ZNF407: variants seen among roughly 807,000 people sequenced by gnomAD.
ZNF407 encodes zinc finger protein 407.
ZNF407 carries 17 observed loss-of-function variants against 131.2 expected under a neutral mutation model. The ratio of observed to expected loss-of-function variants is 0.13; its 90% CI spans 0.09 to 0.19. The LOEUF (loss-of-function observed/expected upper bound fraction) is 0.19, where lower values mean the gene tolerates loss of function less well. Ranked by LOEUF, ZNF407 falls within the 10% of genes least tolerant of loss-of-function variation. The probability of loss-of-function intolerance (pLI) is 1.00; values close to 1 mark genes in which losing one functional copy is unlikely to be tolerated. For missense variants in ZNF407, 2,681 were observed against 2,830.6 expected (o/e 0.95, Z 1.20); for synonymous variants, 1,156 against 1,062.0 (o/e 1.09, Z -1.72).
At chr18:74,610,344 C>T (rs1983000317) in intron 1 of ZNF407, among the ~76,000 whole-genome samples, 1 of 152,124 alleles carries the variant, frequency 6.6e-6, no homozygotes, top group Admixed American at 6.5e-5. Context: ...TCCAGTTTTT[C>T]TCTACAGTTC....
chr18:75,042,874 TG>T (rs1973389969), intron 8 of ZNF407, among the ~76,000 whole-genome samples: 1 of 152,214 alleles, frequency 6.6e-6, no homozygotes, highest in Non-Finnish European at 1.5e-5. Context: ...GCACATCCAC[TG>T]CTCATGTTCC....
chr18:74,623,852 G>C (rs1983672235), intron 1 of ZNF407, among the ~76,000 whole-genome samples: 1 of 152,098 alleles, frequency 6.6e-6, no homozygotes, highest in Non-Finnish European at 1.5e-5. Context: ...GACAGTCAAG[G>C]AACAACTGCT....
At chr18:75,062,830 G>T (rs1025096857) in intron 8 of ZNF407, 3 of 232,778 alleles carry the variant, frequency 1.3e-5, no homozygotes, top group Non-Finnish European at 2.5e-5. Context: ...ATGGTGGTTG[G>T]GGGGAGGTAT....
intron 8 of ZNF407, among the ~76,000 whole-genome samples, chr18:75,002,867 C>T (rs190817631): frequency 9.0e-4 from 136 of 151,068 alleles, no homozygotes; most frequent in Non-Finnish European, 1.2e-3. Flanking sequence ...ATGGTGTTTA[C>T]TAAATGGAAT....
intron 3 of ZNF407, among the ~76,000 whole-genome samples, chr18:74,642,385 G>A (rs1984763982): frequency 6.6e-6 from 1 of 152,040 alleles, no homozygotes; most frequent in Non-Finnish European, 1.5e-5. Context: ...CTCATCTATT[G>A]TTTTTACCAT....
chr18:74,790,295 TAAGATAAAACC>T (rs1969801994), intron 4 of ZNF407, among the ~76,000 whole-genome samples: 1 of 152,172 alleles, frequency 6.6e-6, no homozygotes, highest in Non-Finnish European at 1.5e-5. Context: ...TATATAGAAA[TAAGATAAAACC>T]GAATTCTGTA....
intron 3 of ZNF407, among the ~76,000 whole-genome samples, chr18:74,768,129 T>C (rs1183290018): frequency 2.0e-5 from 3 of 152,216 alleles, no homozygotes; most frequent in Non-Finnish European, 2.9e-5. Flanking sequence ...AGAAGTCTTA[T>C]TTTTTAAAAG....
intron 3 of ZNF407, 42 bp from the exon 4 acceptor site, chr18:74,781,386 A>G: frequency 7.7e-7 from 1 of 1,301,434 alleles, no homozygotes; most frequent in Non-Finnish European, 1.1e-6. Flanking sequence ...TCTAGTGGAG[A>G]GTCAAGTTTT....
chr18:74,708,403 G>T (rs1316776943), intron 3 of ZNF407, among the ~76,000 whole-genome samples: 1 of 152,150 alleles, frequency 6.6e-6, no homozygotes, highest in African/African-American at 2.4e-5. Context: ...GTGTTTTATG[G>T]TTGAAGGTCT....
intron 3 of ZNF407, among the ~76,000 whole-genome samples, chr18:74,713,125 G>A (rs899164997): frequency 2.6e-5 from 4 of 152,082 alleles, no homozygotes; most frequent in Admixed American, 1.3e-4. Flanking sequence ...TACAGCTAGC[G>A]CTTGGGTAAG....
chr18:74,920,754 T>C (rs779286856), intron 8 of ZNF407, 62 bp downstream of exon 8: 30 of 1,515,052 alleles, frequency 2.0e-5, no homozygotes, highest in Non-Finnish European at 2.5e-5. Context: ...ACAGCAGTTA[T>C]AATGCTATTT....
chr18:75,005,406 G>C (rs1176132529), intron 8 of ZNF407, among the ~76,000 whole-genome samples: 1 of 151,940 alleles, frequency 6.6e-6, no homozygotes, highest in South Asian at 2.1e-4. Flanking sequence ...ATCTGATTCA[G>C]CCCAGACCCT....
intron 3 of ZNF407, among the ~76,000 whole-genome samples, chr18:74,769,144 A>G (rs1040189232): frequency 2.0e-5 from 3 of 152,128 alleles, no homozygotes; most frequent in Admixed American, 2.0e-4. Flanking sequence ...TAATGTCCTT[A>G]TCCAGTCATA....
At chr18:74,613,761 C>T (rs1032958647) in intron 1 of ZNF407, among the ~76,000 whole-genome samples, 1 of 152,204 alleles carries the variant, frequency 6.6e-6, no homozygotes, top group Admixed American at 6.5e-5. Context: ...GTTCATACTT[C>T]TCTTTAATTT....
chr18:74,927,205 T>C (rs1459656156), intron 8 of ZNF407, among the ~76,000 whole-genome samples: 1 of 152,220 alleles, frequency 6.6e-6, no homozygotes, highest in Non-Finnish European at 1.5e-5. Flanking sequence ...AAATCTGTCT[T>C]CAAGAGGTTA....
rs932010102 is a variant in ZNF407 at position 74,779,999 on chromosome 18, C to G, written c.4803-1429C>G. Reference sequence around the variant, plus strand: ...AAAATGTTATTTTGTCAAAACCAAGCAGAAACAAATACAGAATTTTTGTAC... The same window carrying G: ...AAAATGTTATTTTGTCAAAACCAAGGAGAAACAAATACAGAATTTTTGTAC... On this transcript the variant is annotated intron_variant, in intron 3 of 8. Transcript: ENST00000299687. Among the ~76,000 whole-genome samples the G allele has an allele frequency of 3.9e-5, 5 of 129,514 alleles. No individual in the cohort carries two copies. In the South Asian group the frequency reaches 1.5e-3, roughly 38 times the overall value. 85.0% of individuals were successfully genotyped at this position (129,514 alleles called of 152,430 possible).
chr18:74,832,911 C>A (rs1218445972), intron 4 of ZNF407, among the ~76,000 whole-genome samples: 1 of 152,010 alleles, frequency 6.6e-6, no homozygotes, highest in Non-Finnish European at 1.5e-5. Context: ...TTAAAACTAT[C>A]AATGGAAAAG....
intron 4 of ZNF407, among the ~76,000 whole-genome samples, chr18:74,789,702 C>T (rs944471757): frequency 6.6e-6 from 1 of 152,134 alleles, no homozygotes; most frequent in Admixed American, 6.5e-5. Context: ...TGGAACTCCA[C>T]CTCCTTTTTC....
intron 8 of ZNF407, among the ~76,000 whole-genome samples, chr18:74,975,192 T>C (rs1321040352): frequency 2.0e-5 from 3 of 152,246 alleles, no homozygotes; most frequent in Admixed American, 6.5e-5. Context: ...ATGCTTTTAA[T>C]TGAAGCAGAG....
Sources: gnomAD v4.1 joint callset for allele counts (sites outside exome capture counted in the v4.1 genomes callset) on GRCh38, gnomAD v4.1.1 for gene constraint, MANE v1.5 for transcripts, NCBI Gene and HGNC (gene_info 2026-07-23, HGNC 2026-07-21) for gene names.